C5orf34: variants seen among roughly 807,000 people sequenced by gnomAD.
C5orf34 encodes chromosome 5 open reading frame 34.
A neutral mutation model predicts 78.4 loss-of-function variants in C5orf34; 73 were observed. That is an observed-to-expected ratio of 0.93 (90% CI 0.77 to 1.13). The LOEUF (loss-of-function observed/expected upper bound fraction) is 1.13. C5orf34 is among the 50% of genes most tolerant of loss of function. C5orf34 has a pLI of 0.00. For missense variants in C5orf34, 730 were observed against 732.7 expected (o/e 1.00, Z 0.04); for synonymous variants, 251 against 246.6 (o/e 1.02, Z -0.17).
At chr5:43,514,036 AAACTGCTCCTCTTGAATTT>A (rs1240345549) in intron 1 of C5orf34, among the ~76,000 whole-genome samples, 2 of 152,364 alleles carry the variant, frequency 1.3e-5, no homozygotes, top group African/African-American at 4.8e-5. Flanking sequence ...AAAAATAAGT[AAACTGCTCCTCTTGAATTT>A]GCAATTTGAA....
At chr5:43,507,331 T>C (rs1746026561) in intron 3 of C5orf34, among the ~76,000 whole-genome samples, 1 of 152,246 alleles carries the variant, frequency 6.6e-6, no homozygotes, top group South Asian at 2.1e-4. Flanking sequence ...CACAAACTAT[T>C]GTCAAGAAAG....
At chr5:43,505,575 A>T in intron 4 of C5orf34, 173 bp downstream of exon 4, 1 of 596,546 alleles carries the variant, frequency 1.7e-6, no homozygotes, top group Non-Finnish European at 2.9e-6. Flanking sequence ...ATGGACACAG[A>T]GTAAAAAACA....
In C5orf34 at chr5:43,502,632, A is replaced by C; in HGVS notation, c.1029-137T>G. On this transcript the variant is annotated intron_variant, in intron 5 of 12. Transcript: ENST00000306862. ...TTTTTGCCTGTCCAGTGAAGCAGAT[A>C]ATTTCATATTCTGAACCCAACCAGC... 6.7e-6 allele frequency: 4 copies of C among 600,856 alleles called. No homozygotes were observed. In the South Asian group the frequency reaches 8.5e-5, roughly 13 times the overall value. 37.2% of individuals were successfully genotyped at this position (600,856 alleles called of 1,614,324 possible). A position where few individuals can be genotyped will look rare whatever the true frequency, so the allele number is the denominator to read the frequency against.
chr5:43,502,581 C>G, intron 5 of C5orf34, 86 bp from the exon 6 acceptor site: 1 of 787,272 alleles, frequency 1.3e-6, no homozygotes, highest in Non-Finnish European at 2.1e-6. Context: ...ACAGTAACAA[C>G]AAAATCTAAG....
At chr5:43,495,636 C>T in intron 6 of C5orf34, 1 of 1,599,912 alleles carries the variant, frequency 6.3e-7, no homozygotes, top group Non-Finnish European at 8.6e-7. Context: ...ACCACCACAC[C>T]AGGTTTGAGA....
At chr5:43,490,433 A>G (rs1267923396) in intron 11 of C5orf34, 198 bp downstream of exon 11, 5 of 399,022 alleles carry the variant, frequency 1.3e-5, no homozygotes, top group Non-Finnish European at 2.3e-5. Context: ...AAAATAGAAT[A>G]TGATGAAATG....
At chr5:43,504,366 T>C (rs1304906402) in intron 4 of C5orf34, among the ~76,000 whole-genome samples, 1 of 151,618 alleles carries the variant, frequency 6.6e-6, no homozygotes, top group Non-Finnish European at 1.5e-5. Flanking sequence ...ACTGTGGATA[T>C]AACAACCAAA....
At position 43,506,137 on chromosome 5, in the gene C5orf34, ACAGATTTTGC is replaced by A. The variant is rs758684904; in HGVS notation, c.533_542del (p.Gly178ValfsTer11). 1.9e-6 allele frequency: 3 copies of A among 1,614,200 alleles called. No individual in the cohort carries two copies. The highest frequency in any genetic ancestry group is 2.2e-5 in the East Asian group (1 of 44,886). ...TCTGTCCTGGTAAATTTCCACGTAT[ACAGATTTTGC>A]CAGTTTTTTCAACTAGTTTATCTTT... is the stretch of plus-strand genomic sequence containing the variant. On this transcript the variant is annotated frameshift_variant, in exon 4 of 13. Transcript: ENST00000306862. LOFTEE classifies it high-confidence loss of function.
chr5:43,495,613 T>C, intron 6 of C5orf34: 10 of 1,609,744 alleles, frequency 6.2e-6, no homozygotes, highest in Non-Finnish European at 8.5e-6. Context: ...TAATGTTGAC[T>C]GGAGCAAAGG....
At chr5:43,512,686 T>A (rs1220726004) in intron 1 of C5orf34, among the ~76,000 whole-genome samples, 1 of 150,730 alleles carries the variant, frequency 6.6e-6, no homozygotes, top group Non-Finnish European at 1.5e-5. Flanking sequence ...CAAGGATTCT[T>A]CAAGACCTGA....
intron 8 of C5orf34, 134 bp downstream of exon 8, chr5:43,493,409 T>C (rs1579857352): frequency 1.6e-6 from 1 of 608,862 alleles, no homozygotes; most frequent in East Asian, 3.1e-5. Flanking sequence ...GTAGGTATTT[T>C]TCTGAATAAA....
At chr5:43,514,412 C>T (rs943705743) in intron 1 of C5orf34, 3 of 152,056 alleles carry the variant, frequency 2.0e-5, no homozygotes, top group African/African-American at 4.8e-5. Context: ...GGGGAAAAAA[C>T]GGGTGCTGAT....
At chr5:43,506,518 G>T (rs970393374) in intron 3 of C5orf34, 124 bp from the exon 4 acceptor site, 2 of 956,684 alleles carry the variant, frequency 2.1e-6, no homozygotes, top group Non-Finnish European at 2.9e-6. Flanking sequence ...TATCTACAGA[G>T]AATGAAAAAA....
intron 1 of C5orf34, among the ~76,000 whole-genome samples, chr5:43,510,189 T>C (rs1746162728): frequency 6.6e-6 from 1 of 152,146 alleles, no homozygotes; most frequent in African/African-American, 2.4e-5. Flanking sequence ...AGAAAGTAAC[T>C]ATTAGGCCTA....
chr5:43,488,931 A>G (rs552432215), intron 11 of C5orf34, among the ~76,000 whole-genome samples: 17 of 152,102 alleles, frequency 1.1e-4, no homozygotes, highest in African/African-American at 4.1e-4. Flanking sequence ...TATTGGCTTT[A>G]CTACAACAGA....
At chr5:43,503,420 T>C (rs1745845661) in intron 5 of C5orf34, among the ~76,000 whole-genome samples, 1 of 152,228 alleles carries the variant, frequency 6.6e-6, no homozygotes, top group African/African-American at 2.4e-5. Context: ...CAATCCCTCA[T>C]TGGCTTTGGA....
intron 4 of C5orf34, among the ~76,000 whole-genome samples, chr5:43,504,558 C>T (rs1467325755): frequency 1.3e-5 from 2 of 152,078 alleles, no homozygotes; most frequent in Non-Finnish European, 1.5e-5. Flanking sequence ...ATAATTTAGC[C>T]AGCTGAGAGA....
chr5:43,507,616 C>G (rs969881685), intron 3 of C5orf34, among the ~76,000 whole-genome samples: 5 of 152,114 alleles, frequency 3.3e-5, no homozygotes, highest in African/African-American at 1.2e-4. Context: ...TATAAAATTA[C>G]TCAGCCGGCA....
At chr5:43,492,092 C>A in intron 10 of C5orf34, 123 bp downstream of exon 10, 1 of 616,794 alleles carries the variant, frequency 1.6e-6, no homozygotes, top group Non-Finnish European at 2.8e-6. Context: ...GACTGAAATG[C>A]CTTCATTATT....
Sources: allele counts gnomAD v4.1 joint callset (sites outside exome capture counted in the v4.1 genomes callset), GRCh38; gene constraint gnomAD v4.1.1; transcripts MANE v1.5; gene names NCBI Gene and HGNC (gene_info 2026-07-23, HGNC 2026-07-21).